Variants in RBFOX1 observed in about 807,000 individuals in gnomAD.
RBFOX1 encodes the protein RNA binding fox-1 homolog 1.
In RBFOX1, 8 loss-of-function variants were observed where a neutral mutation model predicts 57.7. The ratio of observed to expected loss-of-function variants is 0.14; its 90% CI spans 0.08 to 0.25. The LOEUF is 0.25. Among genes scored for constraint, RBFOX1 ranks in the 10% least tolerant of loss-of-function variants. RBFOX1 has a pLI of 1.00. For synonymous variants in RBFOX1, 326 were observed against 222.4 expected (o/e 1.47, Z -4.15); for missense variants, 611 against 548.5 (o/e 1.11, Z -1.14).
chr16:5,401,791 C>CCTCCTCCTT (rs1458405934), intron 1 of RBFOX1, among the ~76,000 whole-genome samples: 2 of 144,042 alleles, frequency 1.4e-5, no homozygotes, highest in Non-Finnish European at 3.1e-5. Flanking sequence ...TCCTCCTCCT[C>CCTCCTCCTT]CTCTTTCTCC....
intron 1 of RBFOX1, among the ~76,000 whole-genome samples, chr16:6,279,608 C>T (rs2076176597): frequency 1.3e-5 from 2 of 152,140 alleles, no homozygotes; most frequent in South Asian, 4.1e-4. Flanking sequence ...GGAGAAGGAA[C>T]ACTGAGACTG....
At chr16:5,920,262 A>T (rs967192620) in intron 4 of RBFOX1, among the ~76,000 whole-genome samples, 1 of 152,206 alleles carries the variant, frequency 6.6e-6, no homozygotes, top group South Asian at 2.1e-4. Flanking sequence ...TGTAGAAGGA[A>T]GTACTGTATT....
chr16:6,387,100 T>G (rs1260158027), intron 2 of RBFOX1, among the ~76,000 whole-genome samples: 2 of 152,172 alleles, frequency 1.3e-5, no homozygotes, highest in Non-Finnish European at 2.9e-5. Flanking sequence ...TCAAAGTCCA[T>G]TGGCAACCAT....
At chr16:7,282,273 A>C (rs183631321) in intron 4 of RBFOX1, among the ~76,000 whole-genome samples, 3 of 152,282 alleles carry the variant, frequency 2.0e-5, no homozygotes, top group African/African-American at 4.8e-5. Flanking sequence ...AGTAAATGGC[A>C]TTTGCAAAGG....
At chr16:6,205,938 T>G (rs1235067384) in intron 1 of RBFOX1, among the ~76,000 whole-genome samples, 2 of 144,162 alleles carry the variant, frequency 1.4e-5, no homozygotes, top group African/African-American at 2.6e-5. Flanking sequence ...TGATAGCCAG[T>G]GCACCTGAAA....
chr16:5,986,485 A>G (rs925871186), intron 4 of RBFOX1, among the ~76,000 whole-genome samples: 2 of 152,224 alleles, frequency 1.3e-5, no homozygotes, highest in Non-Finnish European at 2.9e-5. Context: ...ATATCTTAAG[A>G]TATCGAATCA....
At chr16:5,467,314 A>T in intron 2 of RBFOX1, 2 of 1,435,388 alleles carry the variant, frequency 1.4e-6, no homozygotes, top group East Asian at 2.5e-5. Context: ...AATGAAAGCA[A>T]TAGAAAAATC....
chr16:5,391,562 G>A (rs1237138585), intron 1 of RBFOX1, among the ~76,000 whole-genome samples: 1 of 152,044 alleles, frequency 6.6e-6, no homozygotes, highest in African/African-American at 2.4e-5. Flanking sequence ...ATTCTTCTGT[G>A]TGCCAGTTCT....
At chr16:6,604,808 G>C (rs1201866084) in intron 2 of RBFOX1, among the ~76,000 whole-genome samples, 1 of 151,988 alleles carries the variant, frequency 6.6e-6, no homozygotes, top group Admixed American at 6.6e-5. Flanking sequence ...TGGTGCTTGA[G>C]ATTGATGTAA....
At chr16:6,528,390 A>C (rs942808613) in intron 2 of RBFOX1, among the ~76,000 whole-genome samples, 9 of 152,334 alleles carry the variant, frequency 5.9e-5, no homozygotes, top group Admixed American at 3.3e-4. Context: ...TATTTGGATA[A>C]GTCCACCATC....
chr16:6,173,786 T>G (rs977099246), intron 1 of RBFOX1, among the ~76,000 whole-genome samples: 2 of 152,066 alleles, frequency 1.3e-5, no homozygotes, highest in African/African-American at 4.8e-5. Context: ...ATTTTTATAT[T>G]TTCAGTAGAG....
Position 5,312,851 on chromosome 16 carries a change from G to A in RBFOX1, c.219+72746G>A, listed in dbSNP as rs1287455199. Among the ~76,000 whole-genome samples the A allele has an allele frequency of 4.6e-5, 7 of 152,158 alleles. No individual in the cohort carries two copies. In the East Asian group the frequency reaches 1.3e-3, roughly 29 times the overall value. On this transcript the variant is annotated intron_variant, in intron 1 of 2. Coordinates refer to the RBFOX1 transcript ENST00000585867. The stretch of plus-strand genomic sequence containing the variant: ...AACCAAAGAATGTCTTCAGATATGA[G>A]CCCAGAATAGAGAGGCGGACACTGC...
At chr16:7,358,111 C>T (rs1020866805) in intron 4 of RBFOX1, among the ~76,000 whole-genome samples, 5 of 152,226 alleles carry the variant, frequency 3.3e-5, no homozygotes, top group South Asian at 2.1e-4. Flanking sequence ...ACTTCCACTT[C>T]TTACTGATTA....
At chr16:5,285,963 G>A (rs1033815495) in intron 1 of RBFOX1, among the ~76,000 whole-genome samples, 1 of 152,060 alleles carries the variant, frequency 6.6e-6, no homozygotes, top group Non-Finnish European at 1.5e-5. Context: ...GTAGAGACAG[G>A]GTTTCACCAT....
intron 4 of RBFOX1, among the ~76,000 whole-genome samples, chr16:5,885,688 G>A (rs966571256): frequency 1.3e-5 from 2 of 152,102 alleles, no homozygotes; most frequent in African/African-American, 2.4e-5. Context: ...TTGTATGGAC[G>A]CCAAAATAAA....
intron 4 of RBFOX1, among the ~76,000 whole-genome samples, chr16:7,515,575 G>T (rs993275973): frequency 2.0e-5 from 3 of 152,076 alleles, no homozygotes; most frequent in African/African-American, 7.2e-5. Flanking sequence ...GTATACATAT[G>T]TCAAAACATC....
chr16:5,646,824 A>G (rs6500710), intron 3 of RBFOX1, among the ~76,000 whole-genome samples: 145,127 of 151,750 alleles, frequency 0.96, 69,441 homozygotes, highest in East Asian at 1. Context: ...TAGTAGAGAC[A>G]GGGTTTCACT....
chr16:6,135,058 G>T (rs942435846), intron 1 of RBFOX1, among the ~76,000 whole-genome samples: 1 of 151,814 alleles, frequency 6.6e-6, no homozygotes, highest in East Asian at 1.9e-4. Flanking sequence ...AAGTGTTCTC[G>T]TTGTTCAATT....
chr16:7,010,944 G>C (rs1251676554), intron 3 of RBFOX1, among the ~76,000 whole-genome samples: 2 of 152,224 alleles, frequency 1.3e-5, no homozygotes, highest in African/African-American at 4.8e-5. Flanking sequence ...AGTCTTAGCA[G>C]GGCCTTGGGC....
Sources: gnomAD v4.1 joint callset for allele counts (sites outside exome capture counted in the v4.1 genomes callset) on GRCh38, gnomAD v4.1.1 for gene constraint, MANE v1.5 for transcripts, NCBI Gene and HGNC (gene_info 2026-07-23, HGNC 2026-07-21) for gene names.